Variants in CHRNB4 observed in about 807,000 individuals in gnomAD.
CHRNB4 encodes the protein cholinergic receptor nicotinic beta 4 subunit, also known as neuronal acetylcholine receptor subunit beta-4.
A neutral mutation model predicts 40.4 loss-of-function variants in CHRNB4; 23 were observed. The ratio of observed to expected loss-of-function variants is 0.57; its 90% CI spans 0.41 to 0.81. The LOEUF is 0.81. Among genes scored for constraint, CHRNB4 ranks in the 30% least tolerant of loss-of-function variants. The pLI, the probability that CHRNB4 is intolerant of heterozygous loss-of-function variation, is 0.00. For synonymous variants in CHRNB4, 285 were observed against 274.4 expected (o/e 1.04, Z -0.38); for missense variants, 568 against 670.6 (o/e 0.85, Z 1.69).
rs71534217 is a variant in CHRNB4 at position 78,624,814 on chromosome 15, G to A, written c.*319C>T. On this transcript the variant is annotated 3_prime_UTR_variant, in exon 6 of 6. Coordinates refer to ENST00000261751, the MANE Select transcript of CHRNB4 (RefSeq NM_000750.5). ...AGAGATGGTGATGGAGAGGCAGGCC[G>A]GCACCATGCCTGAAGCATAGTAGGT... is the stretch of plus-strand genomic sequence containing the variant. 161 of 659,094 alleles carry A rather than the reference G, an allele frequency of 2.4e-4. No individual in the cohort carries two copies. Among genetic ancestry groups the A allele is most frequent in the African/African-American group, 2.2e-3 (124 of 55,278 alleles). 40.8% of individuals were successfully genotyped at this position (659,094 alleles called of 1,614,324 possible).
At chr15:78,648,804 G>T (rs543908166) in intron 7 of CHRNB4, among the ~76,000 whole-genome samples, 2 of 151,452 alleles carry the variant, frequency 1.3e-5, no homozygotes, top group African/African-American at 4.9e-5. Context: ...TTTGAGACAG[G>T]GTCTCACTCT....
At chr15:78,651,913 C>T (rs944122239) in intron 6 of CHRNB4, among the ~76,000 whole-genome samples, 7 of 152,238 alleles carry the variant, frequency 4.6e-5, no homozygotes, top group Admixed American at 2.6e-4. Flanking sequence ...GCTGCAGGGA[C>T]AGGGCAGGGT....
At chr15:78,657,993 ATC>A (rs1485504090) in intron 2 of CHRNB4, among the ~76,000 whole-genome samples, 2 of 140,956 alleles carry the variant, frequency 1.4e-5, no homozygotes, top group Non-Finnish European at 3.1e-5. Flanking sequence ...GGACACATAT[ATC>A]ATTATTCCTC....
At chr15:78,660,814 G>A (rs1197886808), upstream of CHRNB4, 3 of 284,222 alleles carry the variant, frequency 1.1e-5, no homozygotes, top group East Asian at 1.8e-4. Context: ...CCCAAGAGAG[G>A]CGGGGCTAGG....
intron 5 of CHRNB4, chr15:78,652,787 C>T (rs868750245): frequency 1.3e-5 from 2 of 152,214 alleles, no homozygotes; most frequent in South Asian, 2.1e-4. Context: ...TCATCTATAA[C>T]GGCTGTCCTG....
At chr15:78,660,329 A>G (rs142381948) in intron 1 of CHRNB4, among the ~76,000 whole-genome samples, 111 of 152,326 alleles carry the variant, frequency 7.3e-4, no homozygotes, top group African/African-American at 2.5e-3. Flanking sequence ...GTTGCAGTAC[A>G]CTGCAGCTTC....
intron 7 of CHRNB4, among the ~76,000 whole-genome samples, chr15:78,646,701 C>G (rs80178211): frequency 6.6e-6 from 1 of 152,174 alleles, no homozygotes; most frequent in African/African-American, 2.4e-5. Flanking sequence ...GATCCCATCA[C>G]GAGAGCTCCA....
intron 1 of CHRNB4, among the ~76,000 whole-genome samples, chr15:78,660,206 T>TAAAA (rs34647677): frequency 8.4e-5 from 12 of 143,658 alleles, no homozygotes; most frequent in East Asian, 2.0e-4. Flanking sequence ...GACTCCGTCT[T>TAAAA]AAAAAAAAAA....
Position 78,624,917 on chromosome 15 carries a change from C to G in CHRNB4, c.*216G>C, listed in dbSNP as rs774895654. On this transcript the variant is annotated 3_prime_UTR_variant, in exon 6 of 6. Coordinates refer to ENST00000261751, the MANE Select transcript of CHRNB4 (RefSeq NM_000750.5). ...GGCCAGAATTGAACTGTCTGAAGCT[C>G]CCTCCTACTGGGGCTTCCTGGGATC... 1 of 1,464,634 alleles carries G rather than the reference C, an allele frequency of 6.8e-7. No homozygotes were observed. Among genetic ancestry groups the G allele is most frequent in the African/African-American group, 1.4e-5 (1 of 70,988 alleles). 90.7% of individuals were successfully genotyped at this position (1,464,634 alleles called of 1,614,324 possible).
intron 5 of CHRNB4, 52 bp downstream of exon 5, chr15:78,628,915 T>C: frequency 1.3e-6 from 2 of 1,547,944 alleles, no homozygotes; most frequent in East Asian, 4.5e-5. Flanking sequence ...CTGGTGCTAC[T>C]ATCTGAGCCC....
chr15:78,637,781 T>C (rs2053985155), intron 1 of CHRNB4, among the ~76,000 whole-genome samples: 2 of 152,160 alleles, frequency 1.3e-5, no homozygotes, highest in East Asian at 1.9e-4. Context: ...ATTTAGTGCC[T>C]TGTGAAAGAT....
chr15:78,655,418 C>CTA (rs1048308821), intron 5 of CHRNB4: 3 of 148,058 alleles, frequency 2.0e-5, no homozygotes, highest in South Asian at 2.1e-4. Flanking sequence ...CTATATATAT[C>CTA]TATATATCTA....
chr15:78,632,762 T>G (rs928157171), intron 2 of CHRNB4, among the ~76,000 whole-genome samples: 1 of 152,196 alleles, frequency 6.6e-6, no homozygotes, highest in Non-Finnish European at 1.5e-5. Context: ...AAATATTTTT[T>G]GAATATACAG....
In CHRNB4 at chr15:78,649,003, C is replaced by T. The variant is rs139526831; in HGVS notation, c.46+376G>A. Among the ~76,000 whole-genome samples, 517 of 152,230 alleles carry T rather than the reference C, an allele frequency of 3.4e-3. 1 individual carries two copies. Among genetic ancestry groups the T allele is most frequent in the African/African-American group, 0.011 (472 of 41,544 alleles). On this transcript the variant is annotated intron_variant and NMD_transcript_variant, in intron 7 of 11. Transcript: ENST00000559849. ...ATGTTGCCCAGGCTGGTCTCAAACT[C>T]GTGGGCTCAAGCAGTCCTCCTGCCT...
At chr15:78,654,177 G>A (rs985208994) in intron 5 of CHRNB4, among the ~76,000 whole-genome samples, 13 of 152,184 alleles carry the variant, frequency 8.5e-5, no homozygotes, top group Non-Finnish European at 7.3e-5. Flanking sequence ...GAGAGAAGAA[G>A]CCTAATGCTC....
intron 5 of CHRNB4, among the ~76,000 whole-genome samples, chr15:78,654,679 C>T (rs1292372831): frequency 6.6e-6 from 1 of 152,210 alleles, no homozygotes; most frequent in African/African-American, 2.4e-5. Flanking sequence ...TCTGTAACTA[C>T]AGCACTCATC....
Position 78,625,131 on chromosome 15 carries a change from C to G in CHRNB4, c.*2G>C, listed in dbSNP as rs1367410509. 3 of 1,613,998 alleles carry G rather than the reference C, an allele frequency of 1.9e-6. No homozygotes were observed. In the East Asian group the frequency reaches 6.7e-5, roughly 36 times the overall value. The stretch of plus-strand genomic sequence containing the variant: ...CCTCTCACCCCACAACCCAGGGGGC[C>G]CTCAGTCACGCTGGGCAGCGTAGGG... On this transcript the variant is annotated 3_prime_UTR_variant, in exon 6 of 6. Transcript: ENST00000261751.
In CHRNB4 at chr15:78,624,967, G is replaced by T. The variant is rs2053615036; in HGVS notation, c.*166C>A. 1.2e-5 allele frequency: 19 copies of T among 1,549,414 alleles called. No homozygotes were observed. Among genetic ancestry groups the T allele is most frequent in the Non-Finnish European group, 1.6e-5 (18 of 1,154,942 alleles). ...CCCTCCAAGGCATTCAGAGAGGACAGCCCAGGCCCCCATCCTTGCCTGTTC... is the reference window on the plus strand; with the variant it reads ...CCCTCCAAGGCATTCAGAGAGGACATCCCAGGCCCCCATCCTTGCCTGTTC... On this transcript the variant is annotated 3_prime_UTR_variant, in exon 6 of 6. Transcript: ENST00000261751.
chr15:78,661,314 C>G, upstream of CHRNB4: 1 of 588,032 alleles, frequency 1.7e-6, no homozygotes, highest in South Asian at 1.4e-5. Flanking sequence ...AGTGCACACA[C>G]CTTCAGGTTG....
Sources: gnomAD v4.1 joint callset for allele counts (sites outside exome capture counted in the v4.1 genomes callset) on GRCh38, gnomAD v4.1.1 for gene constraint, MANE v1.5 for transcripts, NCBI Gene and HGNC (gene_info 2026-07-23, HGNC 2026-07-21) for gene names.